Variants in PACSIN2 observed in about 807,000 individuals in gnomAD.
PACSIN2 encodes protein kinase C and casein kinase substrate in neurons 2.
In PACSIN2, 25 loss-of-function variants were observed where a neutral mutation model predicts 63.8. That is an observed-to-expected ratio of 0.39 (90% CI 0.29 to 0.55). PACSIN2 has a LOEUF of 0.55. PACSIN2 is among the 20% of genes least tolerant of loss of function. PACSIN2 has a pLI of 0.62. For missense variants in PACSIN2, 518 were observed against 646.9 expected, an observed-to-expected ratio of 0.80 and a Z score of 2.16; for synonymous variants, 255 against 256.2, an observed-to-expected ratio of 1.00 and a Z score of 0.05.
intron 1 of PACSIN2, among the ~76,000 whole-genome samples, chr22:42,997,415 A>G (rs867942144): frequency 7.9e-5 from 12 of 152,168 alleles, no homozygotes; most frequent in Middle Eastern, 3.4e-3. Context: ...AAAATTAGCC[A>G]GGCGTGGTGG....
chr22:42,870,056 T>TGGCCCCCGC lies in PACSIN2; in HGVS notation c.*1292_*1300dup, dbSNP rs1319024295. ...TTCCCCCCACCCCCGCCGGCCCGCGTGGCCCCCGCGTAACTCTGGCTGCAG... is the reference window on the plus strand; with the variant it reads ...TTCCCCCCACCCCCGCCGGCCCGCGTGGCCCCCGCGGCCCCCGCGTAACTCTGGCTGCAG... On this transcript the variant is annotated 3_prime_UTR_variant, in exon 11 of 11. Transcript: ENST00000263246. 1 of 145,576 alleles carries TGGCCCCCGC rather than the reference T, an allele frequency of 6.9e-6. No individual in the cohort carries two copies. The highest frequency in any genetic ancestry group is 1.5e-5 in the Non-Finnish European group (1 of 66,232). 9.0% of individuals were successfully genotyped at this position (145,576 alleles called of 1,614,324 possible).
intron 1 of PACSIN2, among the ~76,000 whole-genome samples, chr22:42,970,867 G>C (rs1921205190): frequency 6.6e-6 from 1 of 152,120 alleles, no homozygotes; most frequent in South Asian, 2.1e-4. Context: ...TGAGATGGGA[G>C]GCTGGCCTGC....
intron 5 of PACSIN2, among the ~76,000 whole-genome samples, chr22:42,887,758 G>A (rs1929599715): frequency 6.6e-6 from 1 of 151,850 alleles, no homozygotes; most frequent in Non-Finnish European, 1.5e-5. Context: ...CTTCCAGGCA[G>A]AATCACTTAT....
chr22:42,917,621 A>C (rs193064659), intron 1 of PACSIN2, among the ~76,000 whole-genome samples: 12 of 138,894 alleles, frequency 8.6e-5, no homozygotes, highest in African/African-American at 3.5e-4. Flanking sequence ...TCTCAAAAAA[A>C]CCAACCAAAC....
chr22:42,875,318 TTTTG>T (rs1357120864), intron 10 of PACSIN2, among the ~76,000 whole-genome samples: 5 of 152,280 alleles, frequency 3.3e-5, no homozygotes, highest in Middle Eastern at 3.4e-3. Flanking sequence ...AATCTGCTAC[TTTTG>T]TTTGTTTATT....
chr22:42,891,679 T>C (rs1038223587), intron 3 of PACSIN2, among the ~76,000 whole-genome samples: 1 of 152,326 alleles, frequency 6.6e-6, no homozygotes, highest in South Asian at 2.1e-4. Context: ...GTGCAGGGAT[T>C]ACAGGCGTGA....
At chr22:42,956,029 T>G (rs1455909267) in intron 1 of PACSIN2, among the ~76,000 whole-genome samples, 2 of 152,234 alleles carry the variant, frequency 1.3e-5, no homozygotes, top group Non-Finnish European at 2.9e-5. Flanking sequence ...GTCCTGTTAA[T>G]TACATCAACA....
chr22:42,980,443 C>A (rs1260712566), intron 1 of PACSIN2, among the ~76,000 whole-genome samples: 1 of 150,960 alleles, frequency 6.6e-6, no homozygotes, highest in Non-Finnish European at 1.5e-5. Context: ...CAGAGAGAGA[C>A]CCTCCCTCAA....
rs1929117268 is a variant in PACSIN2, at chr22:42,882,093, G to A, written c.906+91C>T. On this transcript the variant is annotated intron_variant, in intron 7 of 10. Coordinates refer to ENST00000263246, the MANE Select transcript of PACSIN2 (RefSeq NM_001184970.3). ...GATAAACAGGGCAAACACTAACATA[G>A]AGTCTAGAATGAGAAAGACATCATC... The A allele has an allele frequency of 2.1e-6, 3 of 1,431,312 alleles. No individual in the cohort carries two copies. In the East Asian group the frequency reaches 6.8e-5, roughly 32 times the overall value. The allele number at this position is 1,431,312 out of a possible 1,614,324, so 88.7% of individuals were successfully genotyped here.
In PACSIN2 at chr22:42,901,139, C is replaced by T. The variant is rs146197559; in HGVS notation, c.61-7526G>A. ...CCCCTTTAATCTGTGGCCCTGAAGG[C>T]CCAAGCACCACAACCGCTCCCTCTG... On this transcript the variant is annotated intron_variant, in intron 2 of 10. Transcript: ENST00000263246. Among the ~76,000 whole-genome samples the T allele has an allele frequency of 1.6e-3, 248 of 152,244 alleles. 2 individuals are homozygous for T. The highest frequency in any genetic ancestry group is 5.8e-3 in the African/African-American group (242 of 41,518).
At position 42,892,242 on chromosome 22, in the gene PACSIN2, G is replaced by A. The variant is rs145052606; in HGVS notation, c.218-1060C>T. Among the ~76,000 whole-genome samples the A allele has an allele frequency of 1.6e-3, 249 of 152,258 alleles. 2 individuals carry two copies. Among genetic ancestry groups the A allele is most frequent in the African/African-American group, 5.8e-3 (239 of 41,542 alleles). ...CCACAACGGAGCCGGGGCAGAAATC[G>A]AGAAGATCCATGGCTGGTCTTCAAG... is the stretch of plus-strand genomic sequence containing the variant. On this transcript the variant is annotated intron_variant, in intron 3 of 10. Coordinates refer to ENST00000263246, the MANE Select transcript of PACSIN2 (RefSeq NM_001184970.3).
At chr22:42,993,037 G>C (rs973146970) in intron 1 of PACSIN2, among the ~76,000 whole-genome samples, 1 of 152,084 alleles carries the variant, frequency 6.6e-6, no homozygotes, top group Non-Finnish European at 1.5e-5. Context: ...ATGGCAGCAT[G>C]CACTTATAGT....
intron 1 of PACSIN2, among the ~76,000 whole-genome samples, chr22:42,919,465 T>C (rs1460044757): frequency 6.6e-6 from 1 of 152,198 alleles, no homozygotes. Flanking sequence ...GGTTGACTGA[T>C]TATTTCTTCC....
At chr22:42,899,811 G>A (rs1930549215) in intron 2 of PACSIN2, among the ~76,000 whole-genome samples, 1 of 152,178 alleles carries the variant, frequency 6.6e-6, no homozygotes, top group South Asian at 2.1e-4. Flanking sequence ...GCGCGACTAC[G>A]CCGACACACT....
At chr22:42,915,900 A>C (rs542955016) in intron 1 of PACSIN2, among the ~76,000 whole-genome samples, 2 of 152,230 alleles carry the variant, frequency 1.3e-5, no homozygotes, top group African/African-American at 4.8e-5. Flanking sequence ...CGAAGCCCTA[A>C]GGCGACACTG....
At chr22:42,876,862 AG>A (rs749937031) in intron 9 of PACSIN2, 25 bp downstream of exon 9, 9 of 1,613,540 alleles carry the variant, frequency 5.6e-6, no homozygotes, top group Admixed American at 1.7e-5. Context: ...GCGCGGTGGG[AG>A]CAGAGGAAGC....
At chr22:43,006,172 G>A (rs9607990) in intron 1 of PACSIN2, among the ~76,000 whole-genome samples, 4,487 of 152,116 alleles carry the variant, frequency 0.029, 101 homozygotes, top group African/African-American at 0.037. Context: ...TCAGCAATCC[G>A]CAACATGAAA....
chr22:43,008,962 G>A (rs1457988142), intron 1 of PACSIN2, among the ~76,000 whole-genome samples: 2 of 152,124 alleles, frequency 1.3e-5, no homozygotes, highest in African/African-American at 4.8e-5. Flanking sequence ...TATGAAAAAT[G>A]TGGCAAGAAA....
intron 1 of PACSIN2, among the ~76,000 whole-genome samples, chr22:42,996,652 A>G (rs2146911609): frequency 1.3e-5 from 2 of 152,138 alleles, no homozygotes; most frequent in Middle Eastern, 3.4e-3. Flanking sequence ...CAATCACACC[A>G]CTACACTCCA....
Sources: allele counts gnomAD v4.1 joint callset (sites outside exome capture counted in the v4.1 genomes callset), GRCh38; gene constraint gnomAD v4.1.1; transcripts MANE v1.5; gene names NCBI Gene and HGNC (gene_info 2026-07-23, HGNC 2026-07-21).